PKP2: variants seen among roughly 807,000 people sequenced by gnomAD.
The protein encoded by PKP2 is plakophilin 2, also known as plakophilin-2.
A neutral mutation model predicts 83.4 loss-of-function variants in PKP2; 73 were observed. That is an observed-to-expected ratio of 0.88 (90% CI 0.72 to 1.06). The LOEUF is 1.06. PKP2 is among the 50% of genes least tolerant of loss of function. The pLI is 0.00. For missense variants in PKP2, 966 were observed against 1,065.4 expected (o/e 0.91, Z 1.30); for synonymous variants, 409 against 430.4 (o/e 0.95, Z 0.62).
chr12:32,847,884 T>C (rs1223167934), intron 5 of PKP2, among the ~76,000 whole-genome samples: 1 of 151,964 alleles, frequency 6.6e-6, no homozygotes, highest in Non-Finnish European at 1.5e-5. Context: ...GAGGATCTCA[T>C]GAGCCCAGAA....
intron 5 of PKP2, among the ~76,000 whole-genome samples, chr12:32,841,714 G>C (rs1956594170): frequency 6.6e-6 from 1 of 152,180 alleles, no homozygotes; most frequent in East Asian, 1.9e-4. Flanking sequence ...CCCAGTAAGA[G>C]CAGGGAAGGT....
In PKP2 at chr12:32,799,568, T is replaced by C. The variant is rs752628232; in HGVS notation, c.2167+2835A>G. Among the ~76,000 whole-genome samples the C allele has an allele frequency of 4.1e-4, 63 of 152,106 alleles. 1 individual carries two copies. Among genetic ancestry groups the C allele is most frequent in the Non-Finnish European group, 7.5e-4 (51 of 68,022 alleles). On this transcript the variant is annotated intron_variant, in intron 10 of 12. Coordinates refer to ENST00000340811, the MANE Select transcript of PKP2 (RefSeq NM_001005242.3). Reference sequence around the variant, plus strand: ...TCAACCAACGAGTGGATACAGGAAATGTGGTATATACACACCATGGAATAC... The same window carrying C: ...TCAACCAACGAGTGGATACAGGAAACGTGGTATATACACACCATGGAATAC...
At chr12:32,835,704 G>A (rs1462748412) in intron 6 of PKP2, among the ~76,000 whole-genome samples, 2 of 152,196 alleles carry the variant, frequency 1.3e-5, no homozygotes, top group Non-Finnish European at 2.9e-5. Flanking sequence ...AGATTGTGAT[G>A]TTAAAGTAGT....
chr12:32,893,411 T>C (rs1263390186), intron 1 of PKP2: 1 of 152,214 alleles, frequency 6.6e-6, no homozygotes, highest in East Asian at 1.9e-4. Context: ...AAAATTATAC[T>C]CAGAACCACC....
chr12:32,850,160 G>T (rs1956683068), intron 5 of PKP2, among the ~76,000 whole-genome samples: 1 of 152,214 alleles, frequency 6.6e-6, no homozygotes, highest in African/African-American at 2.4e-5. Context: ...AGTGAGTCTT[G>T]TCAAATTGTT....
chr12:32,889,583 A>G (rs957718479), intron 1 of PKP2, among the ~76,000 whole-genome samples: 6 of 152,224 alleles, frequency 3.9e-5, no homozygotes, highest in African/African-American at 1.4e-4. Flanking sequence ...ACACAAATTC[A>G]GTTTGCGCTT....
intron 6 of PKP2, among the ~76,000 whole-genome samples, chr12:32,835,470 C>T (rs2137815462): frequency 6.6e-6 from 1 of 151,590 alleles, no homozygotes; most frequent in South Asian, 2.1e-4. Context: ...ACTTCTTACT[C>T]CAAGTAAATA....
rs1565586852 is a variant in PKP2 at position 32,841,088 on chromosome 12, T to C, written c.1496A>G (p.Tyr499Cys). The C allele has an allele frequency of 6.2e-7, 1 of 1,613,966 alleles. No homozygotes were observed. The highest frequency in any genetic ancestry group is 2.2e-5 in the East Asian group (1 of 44,884). The change falls in exon 6 of 13, where the codon TAC becomes TGC. Residue 499 changes from tyrosine (Y) to cysteine (C), a missense_variant. By Grantham distance (194) the Tyr-to-Cys change is radical. Transcript: ENST00000340811. ...IPFSGWPEGD[Y>C]PKANGLLDFD... ...ATCGAGCAAACCATTTGCTTTTGGGTAGTCTCCTTCAGGCCACCCAGAAAA... is the reference window on the plus strand; with the variant it reads ...ATCGAGCAAACCATTTGCTTTTGGGCAGTCTCCTTCAGGCCACCCAGAAAA...
chr12:32,875,661 G>A (rs1322487694), intron 3 of PKP2, among the ~76,000 whole-genome samples: 2 of 152,156 alleles, frequency 1.3e-5, no homozygotes, highest in African/African-American at 2.4e-5. Flanking sequence ...AGAGCCCTGT[G>A]TAATGGAAAT....
At chr12:32,796,420 T>C (rs1051967133) in intron 10 of PKP2, 122 bp from the exon 11 acceptor site, 2 of 908,668 alleles carry the variant, frequency 2.2e-6, no homozygotes, top group African/African-American at 3.3e-5. Flanking sequence ...TCTTGCTCTG[T>C]TGCCCAGGCT....
At chr12:32,850,453 C>A (rs1045986757) in intron 5 of PKP2, among the ~76,000 whole-genome samples, 2 of 151,922 alleles carry the variant, frequency 1.3e-5, no homozygotes, top group African/African-American at 4.8e-5. Context: ...CCTGTAATCC[C>A]AGCTACTAGG....
At chr12:32,892,775 T>G (rs1957084991) in intron 1 of PKP2, among the ~76,000 whole-genome samples, 1 of 116,022 alleles carries the variant, frequency 8.6e-6, no homozygotes, top group Non-Finnish European at 1.6e-5. Context: ...TAAATACAAT[T>G]TAAAACACAA....
intron 4 of PKP2, among the ~76,000 whole-genome samples, chr12:32,857,066 T>C (rs1441941997): frequency 6.6e-6 from 1 of 152,200 alleles, no homozygotes; most frequent in Non-Finnish European, 1.5e-5. Flanking sequence ...ACCACCAATG[T>C]CCTGCCTCCC....
intron 8 of PKP2, among the ~76,000 whole-genome samples, chr12:32,821,979 G>T (rs1426662360): frequency 6.6e-6 from 1 of 152,134 alleles, no homozygotes; most frequent in African/African-American, 2.4e-5. Context: ...AGGAGGGGAG[G>T]TTACATTCTC....
At chr12:32,890,443 T>TG in intron 1 of PKP2, among the ~76,000 whole-genome samples, 1 of 152,236 alleles carries the variant, frequency 6.6e-6, no homozygotes. Flanking sequence ...GGTTAACGAA[T>TG]GTTATTAAGT....
chr12:32,878,686 C>CTTTT lies in PKP2; in HGVS notation c.337-147_337-144dup. On this transcript the variant is annotated intron_variant, in intron 2 of 12. Coordinates refer to ENST00000340811, the MANE Select transcript of PKP2 (RefSeq NM_001005242.3). The stretch of plus-strand genomic sequence containing the variant: ...AAGTTTGCCCCTTTCTGGGTAAAGG[C>CTTTT]TTTTTGAAAATAAGACTTGGTTGAC... The CTTTT allele has an allele frequency of 3.9e-6, 3 of 762,404 alleles. No homozygotes were observed. In the South Asian group the frequency reaches 5.3e-5, roughly 13 times the overall value. The allele number at this position is 762,404 out of a possible 1,614,324, so 47.2% of individuals were successfully genotyped here.
At chr12:32,812,106 G>A (rs904666021) in intron 9 of PKP2, among the ~76,000 whole-genome samples, 1 of 128,684 alleles carries the variant, frequency 7.8e-6, no homozygotes, top group Non-Finnish European at 1.6e-5. Context: ...GAAGGGAGCT[G>A]GGAGGGTTTT....
chr12:32,896,734 G>A lies in PKP2; in HGVS notation c.-3C>T. 1 of 1,412,506 alleles carries A rather than the reference G, an allele frequency of 7.1e-7. No homozygotes were observed. Among genetic ancestry groups the A allele is most frequent in the South Asian group, 1.4e-5 (1 of 72,628 alleles). 87.5% of individuals were successfully genotyped at this position (1,412,506 alleles called of 1,614,324 possible). On this transcript the variant is annotated 5_prime_UTR_variant, in exon 1 of 13. Coordinates refer to ENST00000340811, the MANE Select transcript of PKP2 (RefSeq NM_001005242.3). ...GCTGGGGCGCCGGGGGCTGCCATGG[G>A]GCCGGTGGGGGCGACCGAGCTGCTC...
chr12:32,879,076 C>T, intron 1 of PKP2, 44 bp from the exon 2 acceptor site: 1 of 994,184 alleles, frequency 1.0e-6, no homozygotes, highest in Non-Finnish European at 1.6e-6. Flanking sequence ...TACAAGTAGG[C>T]TAATTAATAT....
Sources: gnomAD v4.1 joint callset for allele counts (sites outside exome capture counted in the v4.1 genomes callset) on GRCh38, gnomAD v4.1.1 for gene constraint, MANE v1.5 for transcripts, NCBI Gene and HGNC (gene_info 2026-07-23, HGNC 2026-07-21) for gene names.